SEMA6D: variants seen among roughly 807,000 people sequenced by gnomAD.
SEMA6D encodes semaphorin 6D.
In SEMA6D, 35 loss-of-function variants were observed where a neutral mutation model predicts 106.6. That is an observed-to-expected ratio of 0.33 (90% CI 0.25 to 0.44). The LOEUF is 0.44. SEMA6D is among the 20% of genes least tolerant of loss of function. The probability of loss-of-function intolerance (pLI) is 1.00; values close to 1 mark genes in which losing one functional copy is unlikely to be tolerated. For missense variants in SEMA6D, 1,185 were observed against 1,345.9 expected, an observed-to-expected ratio of 0.88 and a Z score of 1.87; for synonymous variants, 499 against 487.7, an observed-to-expected ratio of 1.02 and a Z score of -0.31.
At chr15:47,752,883 C>A (rs2081520453) in intron 1 of SEMA6D, among the ~76,000 whole-genome samples, 1 of 151,674 alleles carries the variant, frequency 6.6e-6, no homozygotes, top group Non-Finnish European at 1.5e-5. Flanking sequence ...GTGGTGCACG[C>A]CTGTAATACC....
intron 1 of SEMA6D, among the ~76,000 whole-genome samples, chr15:47,271,808 C>T (rs1177818682): frequency 6.6e-6 from 1 of 152,120 alleles, no homozygotes; most frequent in Non-Finnish European, 1.5e-5. Flanking sequence ...CCAGTGGATT[C>T]CAAGAGGTCA....
intron 1 of SEMA6D, among the ~76,000 whole-genome samples, chr15:47,332,283 T>G (rs138906119): frequency 2.1e-4 from 32 of 152,242 alleles, no homozygotes; most frequent in Admixed American, 9.2e-4. Context: ...TGAGTGGAGA[T>G]CAGAAAATGC....
In SEMA6D at chr15:47,244,589, G is replaced by C. The variant is rs948976439; in HGVS notation, c.-239+60171G>C. 1.3e-5 allele frequency among the ~76,000 whole-genome samples: 2 copies of C among 152,164 alleles called. 1 individual carries two copies. The highest frequency in any genetic ancestry group is 2.9e-5 in the Non-Finnish European group (2 of 68,010). On this transcript the variant is annotated intron_variant, in intron 1 of 19. Transcript: ENST00000558014. ...AAAGTTACTTGTCCAGGTTTGTACAGTTAAGTGATGGCGTCATGTTTAAAT... is the reference window on the plus strand; with the variant it reads ...AAAGTTACTTGTCCAGGTTTGTACACTTAAGTGATGGCGTCATGTTTAAAT...
intron 1 of SEMA6D, among the ~76,000 whole-genome samples, chr15:47,744,838 T>G (rs1343987797): frequency 6.6e-6 from 1 of 152,194 alleles, no homozygotes; most frequent in Non-Finnish European, 1.5e-5. Flanking sequence ...AGAATTTTAC[T>G]TTGAGTGAAG....
At chr15:47,529,522 A>T (rs769956100) in intron 3 of SEMA6D, among the ~76,000 whole-genome samples, 1 of 151,488 alleles carries the variant, frequency 6.6e-6, no homozygotes. Context: ...TACTTTCCTA[A>T]GCCTAACCTA....
chr15:47,275,793 G>GA, intron 1 of SEMA6D, among the ~76,000 whole-genome samples: 1 of 152,040 alleles, frequency 6.6e-6, no homozygotes, highest in Non-Finnish European at 1.5e-5. Context: ...ACTTTACATC[G>GA]AAAGTTAGAA....
At chr15:47,202,385 CAG>C (rs1021469375) in intron 1 of SEMA6D, among the ~76,000 whole-genome samples, 4 of 151,934 alleles carry the variant, frequency 2.6e-5, no homozygotes, top group Non-Finnish European at 5.9e-5. Context: ...GGCAAAATGG[CAG>C]AGTTTAACTG....
chr15:47,501,601 C>A (rs1011373585), intron 3 of SEMA6D, among the ~76,000 whole-genome samples: 34 of 152,102 alleles, frequency 2.2e-4, no homozygotes, highest in African/African-American at 7.5e-4. Context: ...GATCAAGTTC[C>A]CCACTTCCTC....
chr15:47,359,818 A>G lies in SEMA6D; in HGVS notation c.-238-52575A>G, dbSNP rs1394086046. On this transcript the variant is annotated intron_variant, in intron 1 of 19. Transcript: ENST00000558014. ...AATCTTACGGAAGGTGACTAGGAAT[A>G]CTAAAAATTTAGCATAGTTTTGAGG... 2.6e-5 allele frequency: 4 copies of G among 152,210 alleles called. No homozygotes were observed. In the East Asian group the frequency reaches 7.7e-4, roughly 29 times the overall value. The allele number at this position is 152,210 out of a possible 1,614,324, so 9.4% of individuals were successfully genotyped here.
chr15:47,315,218 A>G (rs1009696014), intron 1 of SEMA6D, among the ~76,000 whole-genome samples: 4 of 152,162 alleles, frequency 2.6e-5, no homozygotes, highest in African/African-American at 9.7e-5. Flanking sequence ...TACATTTTAT[A>G]TGCAGATTAT....
At chr15:47,668,784 G>T (rs2145346035) in intron 4 of SEMA6D, among the ~76,000 whole-genome samples, 1 of 152,226 alleles carries the variant, frequency 6.6e-6, no homozygotes, top group African/African-American at 2.4e-5. Flanking sequence ...GGTGCCTGCA[G>T]TTCCCACCCA....
chr15:47,608,423 T>C (rs1349103099), intron 4 of SEMA6D, among the ~76,000 whole-genome samples: 1 of 152,150 alleles, frequency 6.6e-6, no homozygotes, highest in Admixed American at 6.5e-5. Flanking sequence ...CCTCCTTACC[T>C]GTTTTGGTGA....
chr15:47,184,703 G>C (rs1472152030), intron 1 of SEMA6D, among the ~76,000 whole-genome samples: 2 of 152,142 alleles, frequency 1.3e-5, no homozygotes, highest in African/African-American at 4.8e-5. Flanking sequence ...GTGCCAGGCC[G>C]GGGGGAGGGA....
intron 1 of SEMA6D, among the ~76,000 whole-genome samples, chr15:47,206,103 T>TG (rs1387304043): frequency 6.6e-6 from 1 of 152,200 alleles, no homozygotes; most frequent in Non-Finnish European, 1.5e-5. Flanking sequence ...CATGGATGAC[T>TG]GGGTTAAGTG....
intron 1 of SEMA6D, among the ~76,000 whole-genome samples, chr15:47,308,233 TCCAGCTCTG>T (rs1364536482): frequency 6.6e-6 from 1 of 152,186 alleles, no homozygotes; most frequent in Admixed American, 6.5e-5. Context: ...CTGTTCAAAT[TCCAGCTCTG>T]CCACATAGTT....
intron 4 of SEMA6D, among the ~76,000 whole-genome samples, chr15:47,694,950 C>G (rs1216230732): frequency 1.3e-5 from 2 of 152,124 alleles, no homozygotes; most frequent in Non-Finnish European, 2.9e-5. Context: ...GCCCTGAACA[C>G]CATAGGCATG....
chr15:47,396,307 T>G (rs1042030906), intron 1 of SEMA6D: 1 of 151,878 alleles, frequency 6.6e-6, no homozygotes, highest in African/African-American at 2.4e-5. Flanking sequence ...AGAATAGATA[T>G]ATATATATAT....
rs1176877432 is a variant in SEMA6D, at chr15:47,260,125, A to AT, written c.-239+75713dup. Among the ~76,000 whole-genome samples, 3 of 151,606 alleles carry AT rather than the reference A, an allele frequency of 2.0e-5. No individual in the cohort carries two copies. In the East Asian group the frequency reaches 5.8e-4, roughly 29 times the overall value. On this transcript the variant is annotated intron_variant, in intron 1 of 19. Coordinates refer to the SEMA6D transcript ENST00000558014. ...TTTGTTTCAAGAGAGTTTATAATTG[A>AT]TTTTTTAAAAATATTATACCTTCAA...
chr15:47,259,998 T>G (rs12437578), intron 1 of SEMA6D, among the ~76,000 whole-genome samples: 68,578 of 134,478 alleles, frequency 0.51, 17,443 homozygotes, highest in Non-Finnish European at 0.59. Context: ...ATTTAGCATG[T>G]TTTTTTTTTT....
Sources: allele counts gnomAD v4.1 joint callset (sites outside exome capture counted in the v4.1 genomes callset), GRCh38; gene constraint gnomAD v4.1.1; transcripts MANE v1.5; gene names NCBI Gene and HGNC (gene_info 2026-07-23, HGNC 2026-07-21).